ANKS1B: variants seen among roughly 807,000 people sequenced by gnomAD.
ANKS1B encodes the protein ankyrin repeat and sterile alpha motif domain-containing protein 1B.
Under a neutral mutation model 148.3 loss-of-function variants are expected in ANKS1B, and 36 were observed. The observed-to-expected ratio is 0.24, with a 90% CI of 0.19 to 0.32. The LOEUF is 0.32. ANKS1B is among the 10% of genes least tolerant of loss of function. The pLI is 1.00. For missense variants in ANKS1B, 1,157 were observed against 1,542.6 expected, an observed-to-expected ratio of 0.75 and a Z score of 4.19; for synonymous variants, 542 against 560.8, an observed-to-expected ratio of 0.97 and a Z score of 0.47.
intron 9 of ANKS1B, among the ~76,000 whole-genome samples, chr12:99,650,273 C>A (rs983681656): frequency 2.2e-5 from 2 of 90,424 alleles, no homozygotes; most frequent in African/African-American, 7.1e-5. Flanking sequence ...AAATGAGAAC[C>A]CAGGAATACA....
chr12:99,619,603 C>A (rs915225943), intron 9 of ANKS1B, among the ~76,000 whole-genome samples: 3 of 151,782 alleles, frequency 2.0e-5, no homozygotes, highest in African/African-American at 7.3e-5. Flanking sequence ...AGGATACCTG[C>A]TCACCGAGAT....
intron 9 of ANKS1B, among the ~76,000 whole-genome samples, chr12:98,737,352 C>T (rs1310987835): frequency 6.6e-6 from 1 of 152,200 alleles, no homozygotes; most frequent in African/African-American, 2.4e-5. Flanking sequence ...TTCTTTTCCC[C>T]GCTAACTCCC....
intron 11 of ANKS1B, among the ~76,000 whole-genome samples, chr12:99,406,429 T>C (rs1173599353): frequency 1.4e-5 from 2 of 145,574 alleles, no homozygotes; most frequent in South Asian, 4.2e-4. Context: ...AATGACCAAA[T>C]GGGTCAATGA....
At chr12:99,597,791 C>T (rs2153275750) in intron 9 of ANKS1B, among the ~76,000 whole-genome samples, 1 of 152,042 alleles carries the variant, frequency 6.6e-6, no homozygotes, top group Admixed American at 6.6e-5. Flanking sequence ...AAATGGAGAT[C>T]AAGGCACATG....
At chr12:99,472,179 C>A (rs1461924331) in intron 10 of ANKS1B, among the ~76,000 whole-genome samples, 1 of 152,020 alleles carries the variant, frequency 6.6e-6, no homozygotes, top group Non-Finnish European at 1.5e-5. Context: ...ATATCTATGT[C>A]TCCTCTAATT....
At chr12:99,009,841 CAAAA>C (rs150905224) in intron 17 of ANKS1B, among the ~76,000 whole-genome samples, 2 of 133,368 alleles carry the variant, frequency 1.5e-5, no homozygotes. Context: ...GTCATCTATG[CAAAA>C]AAAAAAAAAC....
intron 9 of ANKS1B, among the ~76,000 whole-genome samples, chr12:99,565,114 ATTTCT>A (rs2097374800): frequency 6.6e-6 from 1 of 152,230 alleles, no homozygotes; most frequent in Non-Finnish European, 1.5e-5. Context: ...TCCCTGTATT[ATTTCT>A]AAATTGATCA....
chr12:98,920,585 C>G (rs1311397844), intron 17 of ANKS1B, among the ~76,000 whole-genome samples: 1 of 152,172 alleles, frequency 6.6e-6, no homozygotes, highest in Non-Finnish European at 1.5e-5. Flanking sequence ...TTCACTATCA[C>G]GAGAACAGCA....
chr12:99,665,429 C>G (rs1599167529), intron 8 of ANKS1B, among the ~76,000 whole-genome samples: 1 of 152,006 alleles, frequency 6.6e-6, no homozygotes, highest in Non-Finnish European at 1.5e-5. Context: ...TGCTTAGAGG[C>G]CATTTACCTT....
chr12:99,711,020 T>A (rs2056562954), intron 8 of ANKS1B, among the ~76,000 whole-genome samples: 1 of 152,126 alleles, frequency 6.6e-6, no homozygotes, highest in African/African-American at 2.4e-5. Context: ...CCTCAACTCC[T>A]GCAGCCAAAG....
intron 9 of ANKS1B, among the ~76,000 whole-genome samples, chr12:99,653,934 G>A (rs150083359): frequency 2.0e-5 from 3 of 152,182 alleles, no homozygotes; most frequent in African/African-American, 7.2e-5. Context: ...ACAGTGCTGA[G>A]ATTACAGGTG....
At chr12:98,819,226 C>T (rs1404988707) in intron 19 of ANKS1B, among the ~76,000 whole-genome samples, 11 of 152,254 alleles carry the variant, frequency 7.2e-5, no homozygotes, top group Middle Eastern at 3.4e-3. Flanking sequence ...GTAAATCCAG[C>T]GCTGCTGAGA....
At chr12:98,900,360 T>C (rs76145097) in intron 17 of ANKS1B, among the ~76,000 whole-genome samples, 2,881 of 152,328 alleles carry the variant, frequency 0.019, 89 homozygotes, top group East Asian at 0.13. Flanking sequence ...TGTTAGATCT[T>C]TGAATTTGTT....
intron 9 of ANKS1B, among the ~76,000 whole-genome samples, chr12:99,524,232 T>A (rs11109895): frequency 1.3e-5 from 2 of 152,020 alleles, no homozygotes; most frequent in African/African-American, 4.8e-5. Context: ...AAAATAACTT[T>A]TTTTTAAAAC....
At chr12:99,322,207 A>G (rs2085407971) in intron 12 of ANKS1B, among the ~76,000 whole-genome samples, 1 of 152,188 alleles carries the variant, frequency 6.6e-6, no homozygotes, top group Non-Finnish European at 1.5e-5. Flanking sequence ...CTTAGCAGGG[A>G]CATGGATGAA....
At chr12:99,654,387 CT>C (rs1451035859) in intron 9 of ANKS1B, among the ~76,000 whole-genome samples, 1 of 152,148 alleles carries the variant, frequency 6.6e-6, no homozygotes, top group Non-Finnish European at 1.5e-5. Flanking sequence ...ACATTATACC[CT>C]TTCATATTAA....
At chr12:98,737,109 A>G (rs983822202) in intron 9 of ANKS1B, among the ~76,000 whole-genome samples, 2 of 152,172 alleles carry the variant, frequency 1.3e-5, no homozygotes, top group African/African-American at 2.4e-5. Context: ...CTCAGGGGAC[A>G]TTCTGCAATG....
At chr12:99,687,764 A>G (rs905105876) in intron 8 of ANKS1B, among the ~76,000 whole-genome samples, 1 of 152,206 alleles carries the variant, frequency 6.6e-6, no homozygotes, top group Non-Finnish European at 1.5e-5. Flanking sequence ...TATACATAAT[A>G]TAACAGCTAT....
At chr12:99,588,413 C>CT (rs57908824) in intron 9 of ANKS1B, among the ~76,000 whole-genome samples, 68,100 of 148,860 alleles carry the variant, frequency 0.46, 15,797 homozygotes, top group African/African-American at 0.57. Flanking sequence ...AAAATGTAAT[C>CT]TTTTTTTTTT....
Sources: allele counts gnomAD v4.1 joint callset (sites outside exome capture counted in the v4.1 genomes callset), GRCh38; gene constraint gnomAD v4.1.1; transcripts MANE v1.5; gene names NCBI Gene and HGNC (gene_info 2026-07-23, HGNC 2026-07-21).